The following METTL15 variants were observed in gnomAD, a reference collection of about 807,000 sequenced individuals.
The protein encoded by METTL15 is 12S rRNA N(4)-cytidine methyltransferase METTL15.
METTL15 carries 34 observed loss-of-function variants against 38.3 expected under a neutral mutation model. The observed-to-expected ratio is 0.89, with a 90% CI of 0.68 to 1.18. The LOEUF is 1.18. Among genes scored for constraint, METTL15 ranks in the 50% most tolerant of loss-of-function variants. The pLI, the probability that METTL15 is intolerant of heterozygous loss-of-function variation, is 0.00. For synonymous variants in METTL15, 162 were observed against 170.9 expected, an observed-to-expected ratio of 0.95 and a Z score of 0.41; for missense variants, 438 against 498.4, an observed-to-expected ratio of 0.88 and a Z score of 1.15.
intron 3 of METTL15, among the ~76,000 whole-genome samples, chr11:28,194,042 T>C (rs558527993): frequency 2.6e-5 from 4 of 152,094 alleles, no homozygotes; most frequent in Non-Finnish European, 5.9e-5. Flanking sequence ...TGATTCCTTC[T>C]CCCAGTCTCC....
rs1037139534 is a variant in METTL15 at position 28,213,901 on chromosome 11, C to T, written c.407+2703C>T. 5.3e-5 allele frequency among the ~76,000 whole-genome samples: 8 copies of T among 151,870 alleles called. No individual in the cohort carries two copies. The South Asian group carries it at 6.2e-4, about 12-fold the overall frequency. On this transcript the variant is annotated intron_variant, in intron 4 of 6. Coordinates refer to ENST00000407364, the MANE Select transcript of METTL15 (RefSeq NM_001113528.2). The stretch of plus-strand genomic sequence containing the variant: ...CGATCTCCTGACCTCATGATCCGCC[C>T]GCCTCGGCCTCCCAAAGTGCTGGGA...
At chr11:28,373,390 C>T (rs1457352399) in intron 5 of METTL15, among the ~76,000 whole-genome samples, 1 of 151,982 alleles carries the variant, frequency 6.6e-6, no homozygotes, top group Non-Finnish European at 1.5e-5. Context: ...AGCATTTTTT[C>T]ATGTGTTTTT....
At chr11:28,280,059 A>G (rs1855996217) in intron 4 of METTL15, among the ~76,000 whole-genome samples, 1 of 152,052 alleles carries the variant, frequency 6.6e-6, no homozygotes, top group East Asian at 1.9e-4. Context: ...TTAATTCCAC[A>G]TATATATTGA....
intron 5 of METTL15, among the ~76,000 whole-genome samples, chr11:28,400,640 G>A (rs899230349): frequency 1.1e-4 from 16 of 151,906 alleles, no homozygotes; most frequent in Non-Finnish European, 1.5e-5. Flanking sequence ...TCTGCATTCA[G>A]CTTTCTTGCT....
chr11:28,479,822 A>T (rs532050814), intron 6 of METTL15, among the ~76,000 whole-genome samples: 1 of 152,350 alleles, frequency 6.6e-6, no homozygotes, highest in African/African-American at 2.4e-5. Context: ...TAAACATTTT[A>T]CTAACATAAA....
intron 6 of METTL15, among the ~76,000 whole-genome samples, chr11:28,487,544 T>C (rs553942533): frequency 6.6e-6 from 1 of 152,316 alleles, no homozygotes; most frequent in Admixed American, 6.5e-5. Flanking sequence ...AGGCATATGA[T>C]CACAGTTTTC....
chr11:28,503,914 G>A lies in METTL15; in HGVS notation c.*425-22564G>A, dbSNP rs554878177. ...AGCTAGATTAAGAATTGCAAACTTA[G>A]GCTGGGTGCAGTGGCTCACACCTAT... On this transcript the variant is annotated intron_variant and NMD_transcript_variant, in intron 6 of 7. Transcript: ENST00000532947. 2.0e-5 allele frequency among the ~76,000 whole-genome samples: 3 copies of A among 151,982 alleles called. No homozygotes were observed. The South Asian group carries it at 6.2e-4, about 32-fold the overall frequency.
downstream of METTL15, among the ~76,000 whole-genome samples, chr11:28,529,540 T>C (rs1851832557): frequency 1.4e-5 from 2 of 141,706 alleles, no homozygotes; most frequent in Admixed American, 7.8e-5. Context: ...CTCTCCCTTT[T>C]CCCCCTACTT....
At chr11:28,279,236 T>A (rs907872616) in intron 4 of METTL15, among the ~76,000 whole-genome samples, 4 of 152,226 alleles carry the variant, frequency 2.6e-5, no homozygotes, top group African/African-American at 7.2e-5. Flanking sequence ...TTCCTTTTTT[T>A]AATATTTGCA....
At chr11:28,236,015 A>C (rs1474950368) in intron 4 of METTL15, among the ~76,000 whole-genome samples, 3 of 151,994 alleles carry the variant, frequency 2.0e-5, no homozygotes, top group South Asian at 4.2e-4. Context: ...TTTTAGCATG[A>C]AGGGTTGTTG....
chr11:28,472,604 T>C (rs897923626), intron 6 of METTL15, among the ~76,000 whole-genome samples: 1 of 152,156 alleles, frequency 6.6e-6, no homozygotes, highest in African/African-American at 2.4e-5. Flanking sequence ...TATATCAATC[T>C]GTATCAGGCC....
At chr11:28,240,521 G>A (rs143112584) in intron 4 of METTL15, among the ~76,000 whole-genome samples, 9 of 152,232 alleles carry the variant, frequency 5.9e-5, no homozygotes, top group East Asian at 1.9e-4. Context: ...TTAAATGTAC[G>A]ATTAAGATTT....
At chr11:28,280,040 C>T (rs2133971817) in intron 4 of METTL15, among the ~76,000 whole-genome samples, 1 of 152,248 alleles carries the variant, frequency 6.6e-6, no homozygotes, top group East Asian at 1.9e-4. Context: ...TGTGCCACTA[C>T]CATATATTTT....
intron 6 of METTL15, among the ~76,000 whole-genome samples, chr11:28,435,756 T>C (rs1166358802): frequency 6.6e-6 from 1 of 152,232 alleles, no homozygotes; most frequent in African/African-American, 2.4e-5. Context: ...GTCACACCTT[T>C]ACTATTCTTC....
intron 6 of METTL15, among the ~76,000 whole-genome samples, chr11:28,297,990 ATATTCTACTTAGT>A (rs941902372): frequency 2.0e-5 from 3 of 152,094 alleles, no homozygotes; most frequent in Admixed American, 2.0e-4. Flanking sequence ...AAATAAGACT[ATATTCTACTTAGT>A]TATTATAATG....
chr11:28,504,505 A>G (rs868282748), intron 6 of METTL15, among the ~76,000 whole-genome samples: 7 of 152,360 alleles, frequency 4.6e-5, no homozygotes, highest in Admixed American at 1.3e-4. Flanking sequence ...CAAGATGTTA[A>G]AGAAAATCCA....
chr11:28,124,716 T>C (rs1852398869), intron 3 of METTL15, among the ~76,000 whole-genome samples: 1 of 152,148 alleles, frequency 6.6e-6, no homozygotes, highest in African/African-American at 2.4e-5. Flanking sequence ...TTTTCCCTGC[T>C]TTCTCTAGCA....
At chr11:28,489,993 G>A (rs34534382) in intron 6 of METTL15, among the ~76,000 whole-genome samples, 1 of 152,064 alleles carries the variant, frequency 6.6e-6, no homozygotes, top group African/African-American at 2.4e-5. Flanking sequence ...TCTCCCTTCA[G>A]AAGCATTTAC....
At chr11:28,458,063 T>C (rs1423623659) in intron 6 of METTL15, among the ~76,000 whole-genome samples, 1 of 152,214 alleles carries the variant, frequency 6.6e-6, no homozygotes, top group Non-Finnish European at 1.5e-5. Context: ...GTGTATCTTA[T>C]CTTTCATGAG....
Sources: gnomAD v4.1 joint callset for allele counts (sites outside exome capture counted in the v4.1 genomes callset) on GRCh38, gnomAD v4.1.1 for gene constraint, MANE v1.5 for transcripts, NCBI Gene and HGNC (gene_info 2026-07-23, HGNC 2026-07-21) for gene names.